The following AFF3 variants were observed in gnomAD, a reference collection of about 807,000 sequenced individuals.
The protein encoded by AFF3 is AF4/FMR2 family member 3.
Under a neutral mutation model 129.7 loss-of-function variants are expected in AFF3, and 32 were observed. The observed-to-expected ratio is 0.25, with a 90% CI of 0.19 to 0.33. AFF3 has a LOEUF of 0.33. AFF3 is among the 10% of genes least tolerant of loss of function. The probability of loss-of-function intolerance (pLI) is 1.00; values close to 1 mark genes in which losing one functional copy is unlikely to be tolerated. For synonymous variants in AFF3, 644 were observed against 635.4 expected (o/e 1.01, Z -0.20); for missense variants, 1,373 against 1,592.0 (o/e 0.86, Z 2.34).
At chr2:99,611,275 TACA>T (rs1680893426) in intron 13 of AFF3, among the ~76,000 whole-genome samples, 2 of 152,234 alleles carry the variant, frequency 1.3e-5, no homozygotes, top group Non-Finnish European at 1.5e-5. Context: ...GTCAGATAAT[TACA>T]ACATCTGTGT....
rs543309464 is a variant in AFF3 at position 99,871,518 on chromosome 2, AT to A, written c.874-33995del. On this transcript the variant is annotated intron_variant, in intron 7 of 24. Coordinates refer to ENST00000672756, the MANE Select transcript of AFF3 (RefSeq NM_001386135.1). The stretch of plus-strand genomic sequence containing the variant: ...TTACTGTTCACCTAAGGAAAGGCTC[AT>A]AAAACTGGCTTATTTTGCAGATGTT... Among the ~76,000 whole-genome samples the A allele has an allele frequency of 5.3e-5, 8 of 150,526 alleles. No homozygotes were observed. The East Asian group carries it at 1.5e-3, about 29-fold the overall frequency.
intron 8 of AFF3, among the ~76,000 whole-genome samples, chr2:99,755,389 T>C (rs1420697374): frequency 6.6e-6 from 1 of 151,862 alleles, no homozygotes; most frequent in Non-Finnish European, 1.5e-5. Flanking sequence ...TGCCTCAGCC[T>C]CCCGAGTAGC....
At chr2:99,658,363 C>A (rs1219671533) in intron 12 of AFF3, among the ~76,000 whole-genome samples, 1 of 151,916 alleles carries the variant, frequency 6.6e-6, no homozygotes, top group Non-Finnish European at 1.5e-5. Flanking sequence ...AGGATGATGG[C>A]AAGAAGACCA....
chr2:100,035,154 A>G (rs1181440942), intron 4 of AFF3, among the ~76,000 whole-genome samples: 1 of 152,204 alleles, frequency 6.6e-6, no homozygotes, highest in Non-Finnish European at 1.5e-5. Context: ...CACCTGTGGA[A>G]TCACACAGAT....
chr2:99,681,376 ACT>A (rs1674511795), intron 11 of AFF3, among the ~76,000 whole-genome samples: 1 of 152,250 alleles, frequency 6.6e-6, no homozygotes, highest in Non-Finnish European at 1.5e-5. Context: ...TTTGAAAGAT[ACT>A]GGTCTATGGG....
At chr2:99,557,393 C>T (rs1675035174) in intron 22 of AFF3, among the ~76,000 whole-genome samples, 1 of 151,742 alleles carries the variant, frequency 6.6e-6, no homozygotes, top group African/African-American at 2.4e-5. Flanking sequence ...GATTCTCGTG[C>T]CTCAGCCTCC....
intron 14 of AFF3, among the ~76,000 whole-genome samples, chr2:99,598,068 C>T (rs961119488): frequency 6.6e-6 from 1 of 152,102 alleles, no homozygotes; most frequent in South Asian, 2.1e-4. Context: ...CTCATCTATC[C>T]CATGAAGGAG....
intron 7 of AFF3, among the ~76,000 whole-genome samples, chr2:99,883,129 A>G (rs975580836): frequency 1.2e-4 from 19 of 152,326 alleles, no homozygotes; most frequent in Non-Finnish European, 1.6e-4. Flanking sequence ...AGGCAGGAAA[A>G]ACAACATGCA....
intron 18 of AFF3, among the ~76,000 whole-genome samples, chr2:99,577,120 A>G (rs1478213046): frequency 2.6e-5 from 4 of 152,342 alleles, no homozygotes; most frequent in African/African-American, 9.6e-5. Flanking sequence ...TAACAAAACA[A>G]ACAACAAATG....
intron 22 of AFF3, among the ~76,000 whole-genome samples, chr2:99,558,547 G>C (rs965989420): frequency 1.3e-5 from 2 of 152,140 alleles, no homozygotes; most frequent in Non-Finnish European, 2.9e-5. Flanking sequence ...TTGAACCCAG[G>C]AGGCGGAGGT....
At chr2:99,725,280 C>T (rs1357212336) in intron 11 of AFF3, among the ~76,000 whole-genome samples, 2 of 151,684 alleles carry the variant, frequency 1.3e-5, no homozygotes, top group Non-Finnish European at 2.9e-5. Context: ...GCCAACTTAC[C>T]TATTTTCATA....
intron 7 of AFF3, among the ~76,000 whole-genome samples, chr2:99,865,203 G>A (rs1259149827): frequency 1.3e-5 from 2 of 152,198 alleles, no homozygotes; most frequent in Non-Finnish European, 2.9e-5. Context: ...AGGGCACAAT[G>A]GCACAGCTTC....
At chr2:99,794,455 T>C (rs1398268953) in intron 8 of AFF3, among the ~76,000 whole-genome samples, 1 of 152,192 alleles carries the variant, frequency 6.6e-6, no homozygotes, top group Non-Finnish European at 1.5e-5. Context: ...GGTCTTTCCA[T>C]TAAGGCTTGT....
chr2:99,991,037 G>A (rs1473461888), intron 7 of AFF3, among the ~76,000 whole-genome samples: 2 of 152,028 alleles, frequency 1.3e-5, no homozygotes, highest in Middle Eastern at 3.2e-3. Flanking sequence ...CAACCTTCAC[G>A]AACCTTTATC....
chr2:99,810,641 AGT>A (rs58509014), intron 8 of AFF3, among the ~76,000 whole-genome samples: 38 of 151,126 alleles, frequency 2.5e-4, no homozygotes, highest in Non-Finnish European at 3.7e-4. Context: ...CAAGTGTGTG[AGT>A]GTGTGTGTGT....
chr2:99,829,801 A>T lies in AFF3; in HGVS notation c.921+7676T>A, dbSNP rs376790471. On this transcript the variant is annotated intron_variant, in intron 8 of 24. Coordinates refer to ENST00000672756, the MANE Select transcript of AFF3 (RefSeq NM_001386135.1). ...CAGGGTATATACTCAAAGGATTATA[A>T]ATCACTCTACTATAAGGACACATGC... 1.4e-4 allele frequency among the ~76,000 whole-genome samples: 21 copies of T among 152,328 alleles called. No individual in the cohort carries two copies. In the East Asian group the frequency reaches 2.3e-3, roughly 17 times the overall value.
chr2:100,021,340 C>T (rs1683580292), intron 4 of AFF3, among the ~76,000 whole-genome samples: 1 of 152,162 alleles, frequency 6.6e-6, no homozygotes, highest in African/African-American at 2.4e-5. Flanking sequence ...CCTGGTTCTC[C>T]TTTTACACAC....
At chr2:99,850,362 G>T (rs1444104992) in intron 7 of AFF3, among the ~76,000 whole-genome samples, 1 of 152,212 alleles carries the variant, frequency 6.6e-6, no homozygotes, top group African/African-American at 2.4e-5. Context: ...TTTGAGGAAT[G>T]GCTGCAGAAA....
chr2:99,996,683 C>A (rs1261122008), intron 7 of AFF3, among the ~76,000 whole-genome samples: 1 of 151,998 alleles, frequency 6.6e-6, no homozygotes, highest in Admixed American at 6.6e-5. Flanking sequence ...CCCAGCCCTT[C>A]TTTATGTTCT....
Sources: allele counts gnomAD v4.1 joint callset (sites outside exome capture counted in the v4.1 genomes callset), GRCh38; gene constraint gnomAD v4.1.1; transcripts MANE v1.5; gene names NCBI Gene and HGNC (gene_info 2026-07-23, HGNC 2026-07-21).